ICA1L: variants seen among roughly 807,000 people sequenced by gnomAD.
ICA1L encodes islet cell autoantigen 1 like.
Under a neutral mutation model 61.3 loss-of-function variants are expected in ICA1L, and 50 were observed. The ratio of observed to expected loss-of-function variants is 0.82; its 90% CI spans 0.65 to 1.03. The LOEUF is 1.03. ICA1L is among the 50% of genes least tolerant of loss of function. The probability of loss-of-function intolerance (pLI) is 0.00; values close to 1 mark genes in which losing one functional copy is unlikely to be tolerated. For synonymous variants in ICA1L, 161 were observed against 191.3 expected (o/e 0.84, Z 1.31); for missense variants, 508 against 556.7 (o/e 0.91, Z 0.88).
intron 1 of ICA1L, among the ~76,000 whole-genome samples, chr2:202,861,086 T>C (rs1178704148): frequency 6.6e-6 from 1 of 151,236 alleles, no homozygotes; most frequent in African/African-American, 2.4e-5. Context: ...AAAAATTAAC[T>C]GGGTGTGGTG....
chr2:202,782,024 A>G (rs1692423020), intron 12 of ICA1L, among the ~76,000 whole-genome samples: 1 of 152,172 alleles, frequency 6.6e-6, no homozygotes, highest in East Asian at 1.9e-4. Flanking sequence ...TGAGGCTCTT[A>G]ATGAACGAAT....
intron 1 of ICA1L, among the ~76,000 whole-genome samples, chr2:202,855,839 G>A (rs1694751193): frequency 6.6e-6 from 1 of 152,098 alleles, no homozygotes; most frequent in Non-Finnish European, 1.5e-5. Context: ...ACTCTGGGAG[G>A]CCAAGGCGGG....
At chr2:202,806,494 A>G (rs534708652) in intron 9 of ICA1L, among the ~76,000 whole-genome samples, 2 of 152,120 alleles carry the variant, frequency 1.3e-5, no homozygotes, top group South Asian at 4.2e-4. Flanking sequence ...AAAAATACAA[A>G]AAATAGCTGG....
At chr2:202,833,556 G>A (rs967432211) in intron 1 of ICA1L, among the ~76,000 whole-genome samples, 5 of 152,074 alleles carry the variant, frequency 3.3e-5, no homozygotes, top group African/African-American at 1.2e-4. Flanking sequence ...CTGCACTCCA[G>A]CCTGGGCGAC....
intron 2 of ICA1L, 52 bp downstream of exon 2, chr2:202,828,796 G>C: frequency 6.8e-7 from 1 of 1,469,372 alleles, no homozygotes; most frequent in Admixed American, 1.7e-5. Context: ...GTTCCCCTTG[G>C]AGCCCCAAAT....
In ICA1L at chr2:202,774,416, G is replaced by T; in HGVS notation, c.*5117C>A. The stretch of plus-strand genomic sequence containing the variant: ...CTGCGCCTCCAACAGCCAGGGTCGA[G>T]CCCCTGGCTCCCCGTTCGTCCAGGC... On this transcript the variant is annotated 3_prime_UTR_variant, in exon 13 of 13. Transcript: ENST00000358299. The T allele has an allele frequency of 2.2e-6, 2 of 898,418 alleles. No individual in the cohort carries two copies. Among genetic ancestry groups the T allele is most frequent in the Non-Finnish European group, 3.0e-6 (2 of 657,564 alleles). The allele number at this position is 898,418 out of a possible 1,614,324, so 55.7% of individuals were successfully genotyped here. A position where few individuals can be genotyped will look rare whatever the true frequency, so the allele number is the denominator to read the frequency against.
At chr2:202,797,034 C>A in intron 9 of ICA1L, 70 bp from the exon 10 acceptor site, 1 of 959,404 alleles carries the variant, frequency 1.0e-6, no homozygotes, top group South Asian at 1.6e-5. Context: ...CTGTAATAGT[C>A]TATCATTAGG....
intron 2 of ICA1L, among the ~76,000 whole-genome samples, chr2:202,828,518 A>G (rs1302002276): frequency 6.6e-6 from 1 of 152,236 alleles, no homozygotes; most frequent in Non-Finnish European, 1.5e-5. Flanking sequence ...TCAAAGTACT[A>G]CAAAATAGTA....
intron 1 of ICA1L, among the ~76,000 whole-genome samples, chr2:202,854,723 T>C (rs1694725090): frequency 6.6e-6 from 1 of 152,176 alleles, no homozygotes; most frequent in Admixed American, 6.5e-5. Flanking sequence ...AAATTAGAAC[T>C]CAGGATTAAG....
intron 2 of ICA1L, 40 bp from the exon 3 acceptor site, chr2:202,825,807 T>C (rs1036257240): frequency 1.6e-6 from 2 of 1,265,106 alleles, no homozygotes; most frequent in East Asian, 2.5e-5. Context: ...TAAAGAACTA[T>C]AAACAAATAT....
At chr2:202,799,969 C>G (rs532641134) in intron 9 of ICA1L, among the ~76,000 whole-genome samples, 3 of 151,862 alleles carry the variant, frequency 2.0e-5, no homozygotes, top group African/African-American at 7.2e-5. Context: ...TCTCCGCCTC[C>G]CAGGTTTAAG....
At chr2:202,827,286 C>T (rs185970462) in intron 2 of ICA1L, among the ~76,000 whole-genome samples, 407 of 151,892 alleles carry the variant, frequency 2.7e-3, no homozygotes, top group Non-Finnish European at 3.4e-3. Flanking sequence ...CCCAGCTATT[C>T]AGAAGCTGAG....
At position 202,786,408 on chromosome 2, in the gene ICA1L, G is replaced by C. The variant is rs981826376; in HGVS notation, c.1244-401C>G. 3.8e-4 allele frequency among the ~76,000 whole-genome samples: 57 copies of C among 151,912 alleles called. 2 individuals carry two copies. Among genetic ancestry groups the C allele is most frequent in the African/African-American group, 9.7e-5 (4 of 41,376 alleles). On this transcript the variant is annotated intron_variant, in intron 11 of 12. Coordinates refer to ENST00000358299, the MANE Select transcript of ICA1L (RefSeq NM_001288622.3). ...AAAAAAAATACAAAAAATTAGCCGG[G>C]CGCGGTGGCGGGCGCCTGTAGTCCC...
chr2:202,870,384 C>T (rs956792707), intron 1 of ICA1L: 4 of 152,168 alleles, frequency 2.6e-5, no homozygotes, highest in African/African-American at 9.7e-5. Context: ...TAGAACACTG[C>T]CTTCCACATA....
At chr2:202,835,052 A>T (rs993618151) in intron 1 of ICA1L, among the ~76,000 whole-genome samples, 1 of 151,972 alleles carries the variant, frequency 6.6e-6, no homozygotes, top group African/African-American at 2.4e-5. Flanking sequence ...AGGCTTACTT[A>T]TTTTTAATTG....
chr2:202,841,004 G>A, intron 1 of ICA1L: 2 of 671,782 alleles, frequency 3.0e-6, no homozygotes, highest in Middle Eastern at 2.6e-4. Context: ...CCTCAGCGAT[G>A]ATGCTGTCCA....
At chr2:202,815,628 T>C (rs1693512496) in intron 7 of ICA1L, among the ~76,000 whole-genome samples, 2 of 151,878 alleles carry the variant, frequency 1.3e-5, no homozygotes, top group African/African-American at 2.4e-5. Context: ...ATTTAATTTT[T>C]TTTTTACTTT....
chr2:202,810,985 C>T (rs1029608402), intron 9 of ICA1L, among the ~76,000 whole-genome samples: 8 of 152,236 alleles, frequency 5.3e-5, no homozygotes, highest in Admixed American at 3.3e-4. Context: ...AATGCCTGCC[C>T]GAAACTTCAT....
At chr2:202,796,717 C>T (rs554984216) in intron 10 of ICA1L, among the ~76,000 whole-genome samples, 173 bp downstream of exon 10, 27 of 152,232 alleles carry the variant, frequency 1.8e-4, no homozygotes, top group Admixed American at 3.9e-4. Context: ...AGGACCCAAA[C>T]ATATAAAACA....
Sources: allele counts gnomAD v4.1 joint callset (sites outside exome capture counted in the v4.1 genomes callset), GRCh38; gene constraint gnomAD v4.1.1; transcripts MANE v1.5; gene names NCBI Gene and HGNC (gene_info 2026-07-23, HGNC 2026-07-21).